The following XDH variants were observed in gnomAD, a reference collection of about 807,000 sequenced individuals.
XDH encodes xanthine dehydrogenase/oxidase.
Under a neutral mutation model 156.1 loss-of-function variants are expected in XDH, and 138 were observed. The ratio of observed to expected loss-of-function variants is 0.88; its 90% CI spans 0.77 to 1.02. XDH has a LOEUF of 1.02. XDH is among the 50% of genes least tolerant of loss of function. The pLI is 0.00. For missense variants in XDH, 1,849 were observed against 1,684.9 expected (o/e 1.10, Z -1.71); for synonymous variants, 669 against 625.7 (o/e 1.07, Z -1.03).
In XDH at chr2:31,383,004, C is replaced by G; in HGVS notation, c.1035G>C (p.Val345=). The G allele has an allele frequency of 6.2e-7, 1 of 1,614,184 alleles. No homozygotes were observed. Among genetic ancestry groups the G allele is most frequent in the Non-Finnish European group, 8.5e-7 (1 of 1,180,040 alleles). Residue 345 remains valine (V), a synonymous_variant, in exon 11 of 36, where the codon GTG becomes GTC. Transcript: ENST00000379416. ...CTTGCTTCTGAGAGCGACTCACCGC[C>G]ACAGACTTGACTTGCTTCCCAGCAA... ...RWFAGKQVKS[V]ASVGGNIITA...
In XDH at chr2:31,372,265, G is replaced by A. The variant is rs201464771; in HGVS notation, c.1819C>T (p.Arg607Trp). The change falls in exon 17 of 36, where the codon CGG (arginine) becomes TGG (tryptophan). Residue 607 changes from arginine to tryptophan, a missense_variant. Coordinates refer to ENST00000379416, the MANE Select transcript of XDH (RefSeq NM_000379.4). ...TGGGCCCGGGTGCTGGTGACCAGCC[G>A]GAGAGACAGCTCATTCTCGTAGCGA... ...IPRYENELSL[R>W]LVTSTRAHAK... 9.0e-5 allele frequency: 146 copies of A among 1,614,112 alleles called. No homozygotes were observed. The highest frequency in any genetic ancestry group is 4.8e-4 in the Admixed American group (29 of 60,006).
intron 30 of XDH, among the ~76,000 whole-genome samples, chr2:31,346,463 G>A (rs1314741052): frequency 6.6e-6 from 1 of 152,122 alleles, no homozygotes; most frequent in African/African-American, 2.4e-5. Context: ...ATCCGATGAG[G>A]CATGTTCAGC....
chr2:31,377,544 G>T (rs888961850), intron 13 of XDH, among the ~76,000 whole-genome samples: 5 of 152,102 alleles, frequency 3.3e-5, no homozygotes, highest in African/African-American at 1.2e-4. Flanking sequence ...GGGGAAGAAG[G>T]GTGCTTTCAC....
intron 24 of XDH, among the ~76,000 whole-genome samples, chr2:31,362,635 A>G (rs1386165989): frequency 6.6e-6 from 1 of 152,240 alleles, no homozygotes; most frequent in East Asian, 1.9e-4. Flanking sequence ...TCATCTTGAC[A>G]TAGGTTCTTG....
intron 12 of XDH, 64 bp downstream of exon 12, chr2:31,381,569 C>T (rs999456507): frequency 6.6e-7 from 1 of 1,518,962 alleles, no homozygotes; most frequent in African/African-American, 1.4e-5. Context: ...CAGAAAATGA[C>T]CTATCTGGTG....
intron 13 of XDH, among the ~76,000 whole-genome samples, chr2:31,378,126 G>GAA (rs1558696719): frequency 1.0e-3 from 58 of 58,004 alleles, no homozygotes; most frequent in African/African-American, 3.2e-3. Flanking sequence ...AAGGAAGGAA[G>GAA]GAAGGAAGGA....
chr2:31,391,569 T>A (rs568753533), intron 6 of XDH, among the ~76,000 whole-genome samples: 4 of 152,220 alleles, frequency 2.6e-5, no homozygotes, highest in Admixed American at 6.5e-5. Context: ...TGGGATTGCA[T>A]TGAGTCTACA....
chr2:31,338,714 C>CTTTTTT (rs57389753), intron 34 of XDH, among the ~76,000 whole-genome samples: 10 of 62,148 alleles, frequency 1.6e-4, no homozygotes, highest in Non-Finnish European at 2.4e-4. Context: ...CTGACCAAGT[C>CTTTTTT]TTTTTTTTTT....
chr2:31,382,927 T>G (rs1398709317), intron 11 of XDH, 74 bp downstream of exon 11: 12 of 1,606,376 alleles, frequency 7.5e-6, no homozygotes, highest in East Asian at 2.2e-5. Context: ...ACTGACACAG[T>G]GAGAGTCTGG....
chr2:31,411,736 A>C (rs541997815), intron 1 of XDH, among the ~76,000 whole-genome samples: 4 of 152,266 alleles, frequency 2.6e-5, no homozygotes, highest in Non-Finnish European at 5.9e-5. Flanking sequence ...AAGAATATCC[A>C]AGAAGAGCAT....
At position 31,383,816 on chromosome 2, in the gene XDH, A is replaced by G. The variant is rs145596057; in HGVS notation, c.825T>C (p.Phe275=). ...GIEMKFKNML[F]PMIVCPAWIP... is the part of the protein sequence containing the mutation. ...TCCAGGCTGGGCAGACAATCATAGG[A>G]AACAGCATATTCTTGAACTTCATCT... is the stretch of plus-strand genomic sequence containing the variant. Residue 275 remains phenylalanine, a synonymous_variant, in exon 10 of 36, where the codon TTT becomes TTC. Transcript: ENST00000379416. The G allele has an allele frequency of 9.0e-4, 1,448 of 1,614,154 alleles. 1 individual carries two copies. Among genetic ancestry groups the G allele is most frequent in the Non-Finnish European group, 1.2e-3 (1,377 of 1,180,024 alleles).
In XDH at chr2:31,342,193, C is replaced by T; in HGVS notation, c.3509G>A (p.Gly1170Glu). 6.2e-7 allele frequency: 1 copy of T among 1,614,064 alleles called. No homozygotes were observed. Among genetic ancestry groups the T allele is most frequent in the Admixed American group, 1.7e-5 (1 of 60,030 alleles). ...CSEVEIDCLTGDHKNLRTDIV... is the reference protein window; with the variant it reads ...CSEVEIDCLTEDHKNLRTDIV... ...TTGCAAACTTCTTACCTTATGATCT[C>T]CTGTTAGGCAGTCGATTTCTACTTC... The change falls in exon 32 of 36, where the codon GGA becomes GAA. Residue 1170 changes from glycine to glutamate, a missense_variant. Physicochemically the swap from Gly to Glu is moderately conservative, Grantham distance 98. Coordinates refer to ENST00000379416, the MANE Select transcript of XDH (RefSeq NM_000379.4).
intron 6 of XDH, among the ~76,000 whole-genome samples, chr2:31,392,574 G>C (rs1572560017): frequency 6.6e-6 from 1 of 151,956 alleles, no homozygotes; most frequent in Non-Finnish European, 1.5e-5. Context: ...ACAGGTGTGT[G>C]CCACCATGCC....
chr2:31,397,794 CTT>C (rs779167652), intron 5 of XDH, 65 bp from the exon 6 acceptor site: 8 of 1,595,706 alleles, frequency 5.0e-6, no homozygotes, highest in Non-Finnish European at 6.9e-6. Flanking sequence ...GAGTTTGTGA[CTT>C]TGCTTGCAAC....
chr2:31,378,516 T>C (rs1686340999), intron 13 of XDH, among the ~76,000 whole-genome samples: 1 of 152,142 alleles, frequency 6.6e-6, no homozygotes. Flanking sequence ...CACTTTTCCC[T>C]GAAGAAGCCA....
intron 19 of XDH, 59 bp downstream of exon 19, chr2:31,368,482 C>T (rs765867666): frequency 1.2e-5 from 20 of 1,604,212 alleles, no homozygotes; most frequent in Non-Finnish European, 1.6e-5. Context: ...GATCCTAATA[C>T]ATGCACATCC....
intron 13 of XDH, among the ~76,000 whole-genome samples, chr2:31,378,215 G>GA: frequency 6.6e-6 from 1 of 151,838 alleles, no homozygotes; most frequent in Non-Finnish European, 1.5e-5. Context: ...AAGCAAGAAA[G>GA]AAAATATCAC....
intron 17 of XDH, among the ~76,000 whole-genome samples, chr2:31,371,579 A>G (rs955130607): frequency 6.6e-6 from 1 of 152,220 alleles, no homozygotes; most frequent in African/African-American, 2.4e-5. Flanking sequence ...AGCGTAGACA[A>G]TGTGGGTTAT....
rs1553411468 is a variant in XDH, at chr2:31,342,262, G to C, written c.3440C>G (p.Ser1147Ter). 2 of 1,614,030 alleles carry C rather than the reference G, an allele frequency of 1.2e-6. No individual in the cohort carries two copies. Among genetic ancestry groups the C allele is most frequent in the Non-Finnish European group, 1.7e-6 (2 of 1,180,036 alleles). The change falls in exon 32 of 36, where the codon TCA becomes TGA. Residue 1147 changes from serine (S) to a stop codon, truncating the protein, a stop_gained. Coordinates refer to ENST00000379416, the MANE Select transcript of XDH (RefSeq NM_000379.4). LOFTEE classifies it high-confidence loss of function. ...GCTGAAGTAGTGGAAGGGGTTCCCT[G>C]AGTTAGTCTCAAAGCTGTAGCCCAG... ...PNLGYSFETN[S>*]GNPFHYFSYG...
Sources: allele counts gnomAD v4.1 joint callset (sites outside exome capture counted in the v4.1 genomes callset), GRCh38; gene constraint gnomAD v4.1.1; transcripts MANE v1.5; gene names NCBI Gene and HGNC (gene_info 2026-07-23, HGNC 2026-07-21).